Variants in OTOP3 observed in about 807,000 individuals in gnomAD.
OTOP3 encodes the protein otopetrin 3.
Under a neutral mutation model 50.8 loss-of-function variants are expected in OTOP3, and 41 were observed. The observed-to-expected ratio is 0.81, with a 90% CI of 0.63 to 1.05. The LOEUF (loss-of-function observed/expected upper bound fraction) is 1.05, where lower values mean the gene tolerates loss of function less well. Ranked by LOEUF, OTOP3 falls within the 50% of genes least tolerant of loss-of-function variation. The pLI is 0.00. For missense variants in OTOP3, 788 were observed against 760.8 expected (o/e 1.04, Z -0.42); for synonymous variants, 320 against 324.4 (o/e 0.99, Z 0.14).
intron 1 of OTOP3, among the ~76,000 whole-genome samples, chr17:74,940,356 A>T (rs532599981): frequency 1.2e-4 from 18 of 151,922 alleles, no homozygotes; most frequent in African/African-American, 4.3e-4. Context: ...TTTTTAAAAA[A>T]CTAGAACAGT....
At position 74,947,538 on chromosome 17, in the gene OTOP3, C is replaced by T. The variant is rs953831018; in HGVS notation, c.1566+63C>T. Reference sequence around the variant, plus strand: ...GGCCAGGCAGACCCAGAAAGCCTCACTCAGGAAGGGATGGATCAAGGACAC... The same window carrying T: ...GGCCAGGCAGACCCAGAAAGCCTCATTCAGGAAGGGATGGATCAAGGACAC... On this transcript the variant is annotated intron_variant, in intron 6 of 6. Transcript: ENST00000328801. The T allele has an allele frequency of 2.5e-5, 35 of 1,419,572 alleles. No homozygotes were observed. The African/African-American group carries it at 5.0e-4, about 20-fold the overall frequency. The allele number at this position is 1,419,572 out of a possible 1,614,324, so 87.9% of individuals were successfully genotyped here. A position where few individuals can be genotyped will look rare whatever the true frequency, so the allele number is the denominator to read the frequency against.
In OTOP3 at chr17:74,947,385, A is replaced by T. The variant is rs1454642361; in HGVS notation, c.1476A>T (p.Ser492=). ...LELGQGLQRA[S]LAYIHSYSHL... ...TGGGCCAGGGCCTGCAGCGGGCCTC[A>T]CTGGCCTACATCCACTCCTACAGCC... is the stretch of plus-strand genomic sequence containing the variant. Residue 492 remains serine (S), a synonymous_variant, in exon 6 of 7, where the codon TCA becomes TCT. Coordinates refer to ENST00000328801, the MANE Select transcript of OTOP3 (RefSeq NM_001272005.2). 1.2e-6 allele frequency: 2 copies of T among 1,613,014 alleles called. No individual in the cohort carries two copies. The highest frequency in any genetic ancestry group is 1.7e-6 in the Non-Finnish European group (2 of 1,180,022).
intron 5 of OTOP3, among the ~76,000 whole-genome samples, chr17:74,944,277 C>T (rs924737948): frequency 6.6e-6 from 1 of 152,168 alleles, no homozygotes; most frequent in African/African-American, 2.4e-5. Context: ...CACCCCGCCC[C>T]GGGTGGCATC....
At chr17:74,943,796 A>G in intron 5 of OTOP3, 72 bp downstream of exon 5, 1 of 1,243,530 alleles carries the variant, frequency 8.0e-7, no homozygotes, top group Non-Finnish European at 1.2e-6. Flanking sequence ...ACACACACAT[A>G]AACGCTACAC....
chr17:74,947,418 C>G lies in OTOP3; in HGVS notation c.1509C>G (p.Asn503Lys), dbSNP rs1379703969. The change falls in exon 6 of 7, where the codon AAC (asparagine) becomes AAG (lysine). Residue 503 changes from asparagine to lysine, a missense_variant. Transcript: ENST00000328801. ...LAYIHSYSHL[N>K]WKRRALKEIS... The stretch of plus-strand genomic sequence containing the variant: ...ACATCCACTCCTACAGCCACCTCAA[C>G]TGGAAGCGGAGGGCACTCAAGGAGA... 1.2e-6 allele frequency: 2 copies of G among 1,612,270 alleles called. No individual in the cohort carries two copies. Among genetic ancestry groups the G allele is most frequent in the Non-Finnish European group, 1.7e-6 (2 of 1,179,534 alleles).
rs1185644812 is a variant in OTOP3, at chr17:74,949,669, T to C, written c.*253T>C. Reference sequence around the variant, plus strand: ...CCTGCCCCCTGCCTTCCCACCACGATCCGCAAGCCAAGGGTGCACCCCAGG... The same window carrying C: ...CCTGCCCCCTGCCTTCCCACCACGACCCGCAAGCCAAGGGTGCACCCCAGG... On this transcript the variant is annotated 3_prime_UTR_variant, in exon 7 of 7. Coordinates refer to ENST00000328801, the MANE Select transcript of OTOP3 (RefSeq NM_001272005.2). 1 of 485,672 alleles carries C rather than the reference T, an allele frequency of 2.1e-6. No homozygotes were observed. The highest frequency in any genetic ancestry group is 3.6e-6 in the Non-Finnish European group (1 of 275,366). The allele number at this position is 485,672 out of a possible 1,614,324, so 30.1% of individuals were successfully genotyped here. A position where few individuals can be genotyped will look rare whatever the true frequency, so the allele number is the denominator to read the frequency against.
intron 1 of OTOP3, among the ~76,000 whole-genome samples, chr17:74,939,546 G>A (rs577586370): frequency 1.1e-4 from 17 of 152,284 alleles, no homozygotes; most frequent in South Asian, 4.1e-4. Context: ...AGGAGTGTCC[G>A]GTGGGGAGAG....
In OTOP3 at chr17:74,940,132, C is replaced by CGT. The variant is rs2039156981; in HGVS notation, c.20-1261_20-1260insGT. Reference sequence around the variant, plus strand: ...ACACACACACACACACACACACACACATACATATATACATATATGGGGTTT... The same window carrying CGT: ...ACACACACACACACACACACACACACGTATACATATATACATATATGGGGTTT... On this transcript the variant is annotated intron_variant, in intron 1 of 6. Transcript: ENST00000328801. Among the ~76,000 whole-genome samples, 4 of 118,232 alleles carry CGT rather than the reference C, an allele frequency of 3.4e-5. No individual in the cohort carries two copies. The South Asian group carries it at 1.2e-3, about 34-fold the overall frequency. The allele number at this position is 118,232 out of a possible 152,430, so 77.6% of individuals were successfully genotyped here.
rs2039176090 is a variant in OTOP3 at position 74,941,706 on chromosome 17, G to C, written c.333G>C (p.Lys111Asn). The change falls in exon 2 of 7, where the codon AAG becomes AAC. Residue 111 changes from lysine to asparagine, a missense_variant. Coordinates refer to ENST00000328801, the MANE Select transcript of OTOP3 (RefSeq NM_001272005.2). Reference protein sequence around the residue: ...GDVWILLATLKVLSLLWLLYY... With the variant: ...GDVWILLATLNVLSLLWLLYY... ...TGTGGATCCTGCTGGCCACGCTGAA[G>C]GTCCTCTCCCTGCTTTGGCTTCTCT... 56 of 1,613,854 alleles carry C rather than the reference G, an allele frequency of 3.5e-5. No individual in the cohort carries two copies. Among genetic ancestry groups the C allele is most frequent in the Non-Finnish European group, 4.7e-5 (56 of 1,179,994 alleles).
Position 74,941,913 on chromosome 17 carries a change from T to C in OTOP3, c.449T>C (p.Leu150Pro), listed in dbSNP as rs1005356285. Residue 150 changes from leucine (L) to proline (P), a missense_variant, in exon 3 of 7, where the codon CTC becomes CCC. Leu to Pro is a moderately conservative substitution (Grantham distance 98, BLOSUM62 -3). Transcript: ENST00000328801. ...GPLWVRGSLV[L>P]FGSCTFCLNI... Reference sequence around the variant, plus strand: ...CATGTCCGGCCAGGTTCCCTAGTGCTCTTCGGCAGCTGCACCTTCTGCCTC... The same window carrying C: ...CATGTCCGGCCAGGTTCCCTAGTGCCCTTCGGCAGCTGCACCTTCTGCCTC... 1.9e-6 allele frequency: 3 copies of C among 1,608,824 alleles called. No homozygotes were observed. The highest frequency in any genetic ancestry group is 3.3e-4 in the Middle Eastern group (2 of 6,050).
intron 1 of OTOP3, among the ~76,000 whole-genome samples, chr17:74,939,004 C>CA (rs200406106): frequency 3.0e-3 from 390 of 131,274 alleles, no homozygotes; most frequent in Admixed American, 3.8e-3. Flanking sequence ...CCTGTCTCTG[C>CA]AAAAAAAAAA....
intron 3 of OTOP3, 67 bp from the exon 4 acceptor site, chr17:74,943,219 C>T (rs1203988269): frequency 2.8e-6 from 4 of 1,412,876 alleles, no homozygotes; most frequent in Non-Finnish European, 4.0e-6. Flanking sequence ...CGCATGCGCC[C>T]CAGGAACTCA....
Position 74,942,044 on chromosome 17 carries a change from G to A in OTOP3, c.573+7G>A. Reference sequence around the variant, plus strand: ...GGTCTTCATCGGCGTCCAGGTGACAGGCTTCTCACGTCCCCACATCACCGA... The same window carrying A: ...GGTCTTCATCGGCGTCCAGGTGACAAGCTTCTCACGTCCCCACATCACCGA... On this transcript the variant is annotated splice_region_variant and intron_variant, in intron 3 of 6. Transcript: ENST00000328801. 6.2e-7 allele frequency: 1 copy of A among 1,602,370 alleles called. No individual in the cohort carries two copies. Among genetic ancestry groups the A allele is most frequent in the Non-Finnish European group, 8.5e-7 (1 of 1,173,448 alleles).
chr17:74,940,400 A>G (rs984471134), intron 1 of OTOP3, among the ~76,000 whole-genome samples: 26 of 151,910 alleles, frequency 1.7e-4, no homozygotes, highest in African/African-American at 5.8e-4. Flanking sequence ...CAATCCCAGT[A>G]CTCTCATCCC....
chr17:74,938,311 GCACGT>G (rs1295275827), intron 1 of OTOP3, among the ~76,000 whole-genome samples: 1 of 151,998 alleles, frequency 6.6e-6, no homozygotes, highest in Non-Finnish European at 1.5e-5. Context: ...TGCATAGAGG[GCACGT>G]CTGAAGCTCC....
rs750246676 is a variant in OTOP3, at chr17:74,947,076, C to G, written c.1167C>G (p.Val389=). 5 of 1,614,144 alleles carry G rather than the reference C, an allele frequency of 3.1e-6. No homozygotes were observed. In the East Asian group the frequency reaches 1.1e-4, roughly 36 times the overall value. The change falls in exon 6 of 7, where the codon GTC becomes GTG. Residue 389 remains valine (V), a synonymous_variant. Transcript: ENST00000328801. ...HGLEERELDT[V]KNPTRSLDVV... is the part of the protein sequence containing the mutation. Reference sequence around the variant, plus strand: ...TGGAGGAGAGAGAGCTGGACACGGTCAAGAACCCTACCCGCAGCCTGGATG... The same window carrying G: ...TGGAGGAGAGAGAGCTGGACACGGTGAAGAACCCTACCCGCAGCCTGGATG...
Position 74,947,131 on chromosome 17 carries a change from C to G in OTOP3, c.1222C>G (p.Gln408Glu), listed in dbSNP as rs1377635613. ...GCTGCTAATGGGTGCTGCACTGGGC[C>G]AGATGGGCATCGCCTATTTCTCCAT... is the stretch of plus-strand genomic sequence containing the variant. ...VVLLMGAALG[Q>E]MGIAYFSIVA... The change falls in exon 6 of 7, where the codon CAG (glutamine) becomes GAG (glutamate). Residue 408 changes from glutamine to glutamate, a missense_variant. Physicochemically the swap from Gln to Glu is conservative, Grantham distance 29. Transcript: ENST00000328801. 1 of 1,614,128 alleles carries G rather than the reference C, an allele frequency of 6.2e-7. No individual in the cohort carries two copies. Among genetic ancestry groups the G allele is most frequent in the Non-Finnish European group, 8.5e-7 (1 of 1,180,042 alleles).
At chr17:74,947,815 A>G (rs1334083050) in intron 6 of OTOP3, among the ~76,000 whole-genome samples, 1 of 152,238 alleles carries the variant, frequency 6.6e-6, no homozygotes, top group Non-Finnish European at 1.5e-5. Context: ...GATGTTGATA[A>G]TGGCTGCCCA....
intron 1 of OTOP3, among the ~76,000 whole-genome samples, chr17:74,939,486 G>A (rs888755885): frequency 2.0e-5 from 3 of 152,104 alleles, no homozygotes; most frequent in African/African-American, 7.2e-5. Context: ...GCACCCAGAA[G>A]CAGCAGAACC....
Sources: allele counts gnomAD v4.1 joint callset (sites outside exome capture counted in the v4.1 genomes callset), GRCh38; gene constraint gnomAD v4.1.1; transcripts MANE v1.5; gene names NCBI Gene and HGNC (gene_info 2026-07-23, HGNC 2026-07-21).